JMY: variants seen among roughly 807,000 people sequenced by gnomAD.
The protein encoded by JMY is junction-mediating and -regulatory protein.
JMY carries 46 observed loss-of-function variants against 103.3 expected under a neutral mutation model. The observed-to-expected ratio is 0.45, with a 90% CI of 0.35 to 0.57. The LOEUF is 0.57. Among genes scored for constraint, JMY ranks in the 20% least tolerant of loss-of-function variants. The pLI is 0.00. For missense variants in JMY, 1,238 were observed against 1,255.2 expected (o/e 0.99, Z 0.21); for synonymous variants, 526 against 489.3 (o/e 1.07, Z -0.99).
chr5:79,291,832 C>T (rs771283983), intron 4 of JMY, among the ~76,000 whole-genome samples: 2 of 152,198 alleles, frequency 1.3e-5, no homozygotes, highest in Non-Finnish European at 2.9e-5. Flanking sequence ...ATTTTGTGGG[C>T]TGCCCTCATT....
chr5:79,280,083 A>G (rs557228809), intron 2 of JMY, among the ~76,000 whole-genome samples: 22 of 152,282 alleles, frequency 1.4e-4, no homozygotes, highest in Admixed American at 3.9e-4. Context: ...AACTCCAGCA[A>G]TCTGCCCACC....
At chr5:79,284,081 T>C in intron 2 of JMY, 2 of 1,142,750 alleles carry the variant, frequency 1.8e-6, no homozygotes, top group South Asian at 1.6e-5. Context: ...TTTATTTTTA[T>C]TTTTTTTCAC....
intron 10 of JMY, among the ~76,000 whole-genome samples, chr5:79,316,579 C>T (rs1280220217): frequency 6.6e-6 from 1 of 151,772 alleles, no homozygotes; most frequent in Non-Finnish European, 1.5e-5. Context: ...GCTGTAATTG[C>T]AAGTAAAGTG....
At chr5:79,291,076 C>T in intron 3 of JMY, 54 bp from the exon 4 acceptor site, 1 of 1,235,574 alleles carries the variant, frequency 8.1e-7, no homozygotes, top group African/African-American at 1.5e-5. Flanking sequence ...TTTTCAAATG[C>T]TTCAGTATTA....
chr5:79,266,986 G>A (rs1745603758), intron 1 of JMY, among the ~76,000 whole-genome samples: 1 of 152,128 alleles, frequency 6.6e-6, no homozygotes, highest in South Asian at 2.1e-4. Flanking sequence ...TTAGGCTTGT[G>A]TCATCTGTTT....
Position 79,314,554 on chromosome 5 carries a change from C to G in JMY, c.2362C>G (p.Leu788Val), listed in dbSNP as rs774179827. 1.2e-6 allele frequency: 2 copies of G among 1,614,200 alleles called. No homozygotes were observed. Among genetic ancestry groups the G allele is most frequent in the Non-Finnish European group, 8.5e-7 (1 of 1,180,036 alleles). ...SELPPTISLP[L>V]LNNNLEPCSV... ...ACTGCCTCCCACTATATCTCTTCCACTTTTGAATAACAACCTCGAACCATG... is the reference window on the plus strand; with the variant it reads ...ACTGCCTCCCACTATATCTCTTCCAGTTTTGAATAACAACCTCGAACCATG... Residue 788 changes from leucine (L) to valine (V), a missense_variant, in exon 9 of 11, where the codon CTT becomes GTT. By Grantham distance (32) the Leu-to-Val change is conservative. Coordinates refer to ENST00000396137, the MANE Select transcript of JMY (RefSeq NM_152405.5).
At chr5:79,278,793 CTTTTTTT>C (rs533961398) in intron 2 of JMY, among the ~76,000 whole-genome samples, 3 of 114,176 alleles carry the variant, frequency 2.6e-5, no homozygotes, top group African/African-American at 9.9e-5. Context: ...GGGAACATTT[CTTTTTTT>C]TTTTTTTTTT....
chr5:79,304,885 T>C (rs1430083340), intron 6 of JMY, among the ~76,000 whole-genome samples: 2 of 152,224 alleles, frequency 1.3e-5, no homozygotes, highest in Admixed American at 6.5e-5. Context: ...CCAACGCTTC[T>C]GGTAGTGACA....
At chr5:79,319,296 A>T (rs535260950) in intron 10 of JMY, among the ~76,000 whole-genome samples, 27 of 152,314 alleles carry the variant, frequency 1.8e-4, no homozygotes, top group Admixed American at 5.2e-4. Flanking sequence ...GAGACGGCTG[A>T]TGGCTGGAAT....
Position 79,300,750 on chromosome 5 carries a change from G to C in JMY, c.1768G>C (p.Ala590Pro), listed in dbSNP as rs766427064. The change falls in exon 6 of 11, where the codon GCA becomes CCA. Residue 590 changes from alanine to proline, a missense_variant. Coordinates refer to ENST00000396137, the MANE Select transcript of JMY (RefSeq NM_152405.5). ...EAMLEKEEMA[A>P]SAYLQREELQ... ...CATGCTGGAGAAGGAAGAGATGGCA[G>C]CATCTGCGTACTTACAGAGAGAAGA... 4 of 1,612,154 alleles carry C rather than the reference G, an allele frequency of 2.5e-6. No homozygotes were observed. The East Asian group carries it at 8.9e-5, about 36-fold the overall frequency.
At chr5:79,264,866 A>C (rs1184737541) in intron 1 of JMY, among the ~76,000 whole-genome samples, 1 of 152,238 alleles carries the variant, frequency 6.6e-6, no homozygotes, top group African/African-American at 2.4e-5. Flanking sequence ...ATAGAATGAC[A>C]GTAAATGCAG....
intron 5 of JMY, 25 bp from the exon 6 acceptor site, chr5:79,300,651 A>G (rs1746706286): frequency 6.4e-7 from 1 of 1,556,530 alleles, no homozygotes; most frequent in East Asian, 2.3e-5. Flanking sequence ...CTTTACCACT[A>G]CTCTTTTTTG....
chr5:79,268,896 A>T (rs750099574), intron 1 of JMY, among the ~76,000 whole-genome samples: 2 of 152,088 alleles, frequency 1.3e-5, no homozygotes, highest in Non-Finnish European at 2.9e-5. Flanking sequence ...TTCTTTGTAT[A>T]CTTTTGGTAA....
intron 1 of JMY, among the ~76,000 whole-genome samples, chr5:79,238,452 A>T (rs1025878002): frequency 6.6e-6 from 1 of 152,160 alleles, no homozygotes; most frequent in Admixed American, 6.5e-5. Flanking sequence ...ATGGGGCTCT[A>T]GAATGTGTAG....
chr5:79,278,494 G>A (rs1381407190), intron 2 of JMY, among the ~76,000 whole-genome samples: 12 of 142,372 alleles, frequency 8.4e-5, no homozygotes, highest in East Asian at 2.1e-4. Context: ...CCTCACACCC[G>A]TAGTCTCAAC....
intron 1 of JMY, among the ~76,000 whole-genome samples, chr5:79,243,256 T>C (rs897355722): frequency 6.6e-6 from 1 of 151,934 alleles, no homozygotes; most frequent in Non-Finnish European, 1.5e-5. Context: ...AGAAAATAAC[T>C]TTTCTAATTT....
In JMY at chr5:79,314,476, T is replaced by C. The variant is rs368198161; in HGVS notation, c.2284T>C (p.Ser762Pro). Residue 762 changes from serine (S) to proline (P), a missense_variant, in exon 9 of 11, where the codon TCA becomes CCA. By Grantham distance (74) the Ser-to-Pro change is moderately conservative. Coordinates refer to ENST00000396137, the MANE Select transcript of JMY (RefSeq NM_152405.5). The part of the protein sequence containing the change: ...PQSLVQLEDT[S>P]LTQLEATSLP... ...GAGCCTTGTGCAACTTGAAGATACT[T>C]CATTAACACAACTTGAAGCCACCTC... The C allele has an allele frequency of 2.4e-5, 38 of 1,613,974 alleles. No homozygotes were observed. Among genetic ancestry groups the C allele is most frequent in the Non-Finnish European group, 2.5e-6 (3 of 1,180,018 alleles).
chr5:79,290,384 C>A, intron 3 of JMY, 113 bp downstream of exon 3: 1 of 630,122 alleles, frequency 1.6e-6, no homozygotes, highest in Non-Finnish European at 2.3e-6. Context: ...ATAATCCCAG[C>A]AATTAGAGAA....
intron 1 of JMY, among the ~76,000 whole-genome samples, chr5:79,263,550 C>G (rs142533894): frequency 2.7e-4 from 41 of 152,264 alleles, no homozygotes; most frequent in Non-Finnish European, 2.5e-4. Context: ...TGCGCCACTA[C>G]GCCTGGCTGA....
Sources: gnomAD v4.1 joint callset for allele counts (sites outside exome capture counted in the v4.1 genomes callset) on GRCh38, gnomAD v4.1.1 for gene constraint, MANE v1.5 for transcripts, NCBI Gene and HGNC (gene_info 2026-07-23, HGNC 2026-07-21) for gene names.